Variants in ZNF469 observed in about 807,000 individuals in gnomAD.
ZNF469 encodes zinc finger protein 469.
In ZNF469, 1 loss-of-function variant was observed where a neutral mutation model predicts 1.0. The observed-to-expected ratio is 1.00, with a 90% CI of 0.35 to 4.73. The LOEUF (loss-of-function observed/expected upper bound fraction) is 4.73. Among genes scored for constraint, ZNF469 ranks in the 30% most tolerant of loss-of-function variants. The pLI, the probability that ZNF469 is intolerant of heterozygous loss-of-function variation, is 0.16. For missense variants in ZNF469, 6,100 were observed against 5,356.3 expected, an observed-to-expected ratio of 1.14 and a Z score of -4.33; for synonymous variants, 2,703 against 2,363.4, an observed-to-expected ratio of 1.14 and a Z score of -4.17.
rs183589300 is a variant in ZNF469 at position 88,393,606 on chromosome 16, G to A, written c.-192+10352G>A. 1.9e-3 allele frequency among the ~76,000 whole-genome samples: 294 copies of A among 152,330 alleles called. 2 individuals are homozygous for A. Among genetic ancestry groups the A allele is most frequent in the African/African-American group, 6.5e-3 (270 of 41,584 alleles). ...GGTTCGCCCCAGTGCCGAGCTGCCC[G>A]GGCAGGAGGAGGGGTTCGGGTGGGG... is the stretch of plus-strand genomic sequence containing the variant. On this transcript the variant is annotated intron_variant, in intron 1 of 2. Transcript: ENST00000565624.
the ZNF469 span, among the ~76,000 whole-genome samples, chr16:88,331,592 A>AT: frequency 6.6e-6 from 1 of 151,676 alleles, no homozygotes; most frequent in East Asian, 1.9e-4. Context: ...CACCACCATC[A>AT]CCACTATCAT....
At chr16:88,396,959 A>ATGAAGGGAGGCCGGGAGGAGACCCTCC (rs1904697167) in intron 1 of ZNF469, among the ~76,000 whole-genome samples, 3 of 49,598 alleles carry the variant, frequency 6.0e-5, no homozygotes, top group Non-Finnish European at 8.8e-5. Context: ...GGAGACCCTC[A>ATGAAGGGAGGCCGGGAGGAGACCCTCC]TGAAGGGAGG....
intron 1 of ZNF469, among the ~76,000 whole-genome samples, chr16:88,422,372 GATGA>G (rs1442359393): frequency 7.0e-6 from 1 of 143,192 alleles, no homozygotes; most frequent in African/African-American, 2.6e-5. Context: ...TGAATGGGTG[GATGA>G]ATGAATGGGT....
the ZNF469 span, among the ~76,000 whole-genome samples, chr16:88,289,287 GATGA>G: frequency 5.3e-5 from 8 of 150,092 alleles, no homozygotes; most frequent in Admixed American, 2.0e-4. Context: ...GGGTGATGGT[GATGA>G]TGATGGTGAT....
the ZNF469 span, among the ~76,000 whole-genome samples, chr16:88,193,172 G>T: frequency 7.9e-3 from 43 of 5,470 alleles, 3 homozygotes; most frequent in African/African-American, 0.017. Context: ...ATGGTGGTGG[G>T]GATGGTGGTG....
At chr16:88,198,394 C>T in the ZNF469 span, among the ~76,000 whole-genome samples, 6 of 152,172 alleles carry the variant, frequency 3.9e-5, no homozygotes, top group African/African-American at 1.4e-4. Flanking sequence ...CGGTGGGGGG[C>T]TGGGCAGAGG....
At chr16:88,225,071 CT>C in the ZNF469 span, among the ~76,000 whole-genome samples, 1 of 152,240 alleles carries the variant, frequency 6.6e-6, no homozygotes, top group Non-Finnish European at 1.5e-5. Context: ...ACTGGCCCCC[CT>C]GCCCCTTCCC....
At chr16:88,120,515 C>G in the ZNF469 span, among the ~76,000 whole-genome samples, 1 of 152,254 alleles carries the variant, frequency 6.6e-6, no homozygotes, top group African/African-American at 2.4e-5. Flanking sequence ...GTGACGGTCA[C>G]CTGGACTGGG....
In ZNF469 at chr16:88,429,938, C is replaced by A; in HGVS notation, c.2468C>A (p.Thr823Asn). The stretch of plus-strand genomic sequence containing the variant: ...GGCTTCCTGCCCAGCCTGGCCGCCA[C>A]CCCCTTCCCGCTCCCTGCCTCGGAC... ...RTGFLPSLAATPFPLPASDLD... is the reference protein window; with the variant it reads ...RTGFLPSLAANPFPLPASDLD... Residue 823 changes from threonine to asparagine, a missense_variant, in exon 3 of 3, where the codon ACC (threonine) becomes AAC (asparagine). By Grantham distance (65) the Thr-to-Asn change is moderately conservative (BLOSUM62 0). Transcript: ENST00000565624. 6.5e-7 allele frequency: 1 copy of A among 1,550,290 alleles called. No individual in the cohort carries two copies. Among genetic ancestry groups the A allele is most frequent in the Non-Finnish European group, 8.7e-7 (1 of 1,146,940 alleles).
At chr16:88,112,051 T>C in the ZNF469 span, among the ~76,000 whole-genome samples, 1 of 152,252 alleles carries the variant, frequency 6.6e-6, no homozygotes, top group Admixed American at 6.5e-5. Context: ...TAGTACTACG[T>C]TGTGTACGTG....
intron 1 of ZNF469, among the ~76,000 whole-genome samples, chr16:88,404,625 C>T (rs530193363): frequency 2.4e-4 from 36 of 152,236 alleles, no homozygotes; most frequent in Middle Eastern, 3.4e-3. Context: ...TGATTGCCCA[C>T]GGACGTGCTG....
In ZNF469 at chr16:88,433,664, C is replaced by A. The variant is rs1393315705; in HGVS notation, c.6194C>A (p.Ser2065Tyr). The change falls in exon 3 of 3, where the codon TCC becomes TAC. Residue 2065 changes from serine to tyrosine, a missense_variant. Physicochemically the swap from Ser to Tyr is moderately radical, Grantham distance 144. Transcript: ENST00000565624. ...AGCCCCCCGTCCCCTAATAGGGAGT[C>A]CCTGGCGCTGGCCTTGACAGCAGCC... is the stretch of plus-strand genomic sequence containing the variant. The part of the protein sequence containing the change: ...TPSPPSPNRE[S>Y]LALALTAAHS... 6.5e-7 allele frequency: 1 copy of A among 1,549,902 alleles called. No individual in the cohort carries two copies. The highest frequency in any genetic ancestry group is 8.7e-7 in the Non-Finnish European group (1 of 1,146,828).
chr16:88,437,306 C>T lies in ZNF469; in HGVS notation c.9836C>T (p.Pro3279Leu). 6.5e-7 allele frequency: 1 copy of T among 1,547,552 alleles called. No individual in the cohort carries two copies. Among genetic ancestry groups the T allele is most frequent in the Non-Finnish European group, 8.7e-7 (1 of 1,145,420 alleles). Reference protein sequence around the residue: ...ERAKPRARSTPSNPDGAATPD... With the variant: ...ERAKPRARSTLSNPDGAATPD... ...GCGAAACCCCGGGCACGCAGCACCC[C>T]CAGCAACCCAGACGGGGCCGCGACC... Residue 3279 changes from proline (P) to leucine (L), a missense_variant, in exon 3 of 3, where the codon CCC becomes CTC. Coordinates refer to ENST00000565624, the MANE Select transcript of ZNF469 (RefSeq NM_001367624.2).
chr16:88,199,963 C>T, the ZNF469 span, among the ~76,000 whole-genome samples: 30 of 152,348 alleles, frequency 2.0e-4, no homozygotes, highest in Non-Finnish European at 1.5e-4. Context: ...GAGGACCCCG[C>T]AGCAAGGGCC....
chr16:88,359,119 G>A, the ZNF469 span, among the ~76,000 whole-genome samples: 2 of 152,138 alleles, frequency 1.3e-5, no homozygotes, highest in East Asian at 3.9e-4. Context: ...GGCAAGTTAC[G>A]CCCCCACCAG....
chr16:88,375,779 A>G, the ZNF469 span, among the ~76,000 whole-genome samples: 2 of 152,254 alleles, frequency 1.3e-5, no homozygotes, highest in Admixed American at 1.3e-4. Flanking sequence ...TGCAAGTTCA[A>G]AGACTAAACG....
chr16:88,226,784 C>T, the ZNF469 span, among the ~76,000 whole-genome samples: 2 of 149,426 alleles, frequency 1.3e-5, no homozygotes, highest in Admixed American at 6.7e-5. Context: ...TCCCTTCCTG[C>T]CTTTAGTGGT....
intron 1 of ZNF469, among the ~76,000 whole-genome samples, chr16:88,408,947 A>G (rs1905078316): frequency 6.6e-6 from 1 of 152,240 alleles, no homozygotes; most frequent in Non-Finnish European, 1.5e-5. Context: ...TTTCTGCTGT[A>G]TCCTATCCAG....
chr16:88,285,204 G>T, the ZNF469 span, among the ~76,000 whole-genome samples: 1 of 152,248 alleles, frequency 6.6e-6, no homozygotes, highest in Non-Finnish European at 1.5e-5. Context: ...CCGGAGAACT[G>T]CCCCCAGAGC....
Sources: gnomAD v4.1 joint callset for allele counts (sites outside exome capture counted in the v4.1 genomes callset) on GRCh38, gnomAD v4.1.1 for gene constraint, MANE v1.5 for transcripts, NCBI Gene and HGNC (gene_info 2026-07-23, HGNC 2026-07-21) for gene names.